The following XKR9 variants were observed in gnomAD, a reference collection of about 807,000 sequenced individuals.
XKR9 encodes XK related 9, also known as XK-related protein 9.
Under a neutral mutation model 32.0 loss-of-function variants are expected in XKR9, and 32 were observed. The observed-to-expected ratio is 1.00, with a 90% confidence interval of 0.76 to 1.34. XKR9 has a LOEUF of 1.34. Ranked by LOEUF, XKR9 falls within the 40% of genes most tolerant of loss-of-function variation. XKR9 has a pLI of 0.00. For missense variants in XKR9, 546 were observed against 429.7 expected, an observed-to-expected ratio of 1.27 and a Z score of -2.39; for synonymous variants, 168 against 143.4, an observed-to-expected ratio of 1.17 and a Z score of -1.22.
At chr8:71,041,324 T>A in the XKR9 span, among the ~76,000 whole-genome samples, 1 of 152,176 alleles carries the variant, frequency 6.6e-6, no homozygotes, top group African/African-American at 2.4e-5. Context: ...TGGGGGAATT[T>A]TCTGAAAAAT....
the XKR9 span, among the ~76,000 whole-genome samples, chr8:71,010,196 C>G: frequency 1.3e-5 from 2 of 152,292 alleles, no homozygotes; most frequent in South Asian, 2.1e-4. Flanking sequence ...AGGTACATGA[C>G]AGCTGATAAG....
chr8:70,777,990 G>T (rs911512750), intron 2 of XKR9, among the ~76,000 whole-genome samples: 1 of 152,092 alleles, frequency 6.6e-6, no homozygotes, highest in African/African-American at 2.4e-5. Flanking sequence ...GGCTTTTGTT[G>T]CCATTGCTTT....
chr8:70,739,081 C>T (rs996388753), downstream of XKR9, among the ~76,000 whole-genome samples: 4 of 151,914 alleles, frequency 2.6e-5, no homozygotes, highest in Non-Finnish European at 5.9e-5. Flanking sequence ...GTTAGTCTCC[C>T]ATTATTATTG....
At chr8:71,010,032 C>T in the XKR9 span, among the ~76,000 whole-genome samples, 1 of 152,176 alleles carries the variant, frequency 6.6e-6, no homozygotes, top group Non-Finnish European at 1.5e-5. Context: ...CTTCAACCGA[C>T]CCTGATCTGT....
At position 70,706,932 on chromosome 8, in the gene XKR9, G is replaced by C; in HGVS notation, c.273-1G>C. 1.2e-6 allele frequency: 2 copies of C among 1,605,494 alleles called. No homozygotes were observed. The highest frequency in any genetic ancestry group is 8.5e-7 in the Non-Finnish European group (1 of 1,174,062). ...GAGAAATGTTTATGTTTACTTTATA[G>C]GTATTGGTTTGCCTTAAAAAGGGGT... On this transcript the variant is annotated splice_acceptor_variant, in intron 3 of 4. Coordinates refer to ENST00000408926, the MANE Select transcript of XKR9 (RefSeq NM_001011720.2). LOFTEE classifies it high-confidence loss of function.
At chr8:70,787,867 G>T (rs982197827) in intron 2 of XKR9, among the ~76,000 whole-genome samples, 1 of 151,976 alleles carries the variant, frequency 6.6e-6, no homozygotes, top group African/African-American at 2.4e-5. Flanking sequence ...GATTATTAAG[G>T]TATTTGGTCA....
chr8:70,743,550 G>T (rs1371365666), intron 2 of XKR9, among the ~76,000 whole-genome samples: 1 of 151,970 alleles, frequency 6.6e-6, no homozygotes, highest in Non-Finnish European at 1.5e-5. Context: ...TTTTCAGCAG[G>T]CAGTAACTTG....
the XKR9 span, among the ~76,000 whole-genome samples, chr8:70,918,768 CT>C: frequency 6.8e-3 from 439 of 64,142 alleles, 4 homozygotes; most frequent in African/African-American, 0.027. Flanking sequence ...TCATGGGATC[CT>C]TTTTTTTTTT....
intron 2 of XKR9, among the ~76,000 whole-genome samples, chr8:70,748,971 A>C (rs182045515): frequency 1.3e-4 from 20 of 152,064 alleles, no homozygotes; most frequent in African/African-American, 4.8e-4. Context: ...TACCCACCAT[A>C]GGTCTCCTCT....
chr8:70,731,832 C>T (rs1324331215), intron 4 of XKR9, among the ~76,000 whole-genome samples: 1 of 152,198 alleles, frequency 6.6e-6, no homozygotes, highest in African/African-American at 2.4e-5. Context: ...CTTCCATCGA[C>T]AATTCCTTCT....
At chr8:70,906,590 T>C in the XKR9 span, among the ~76,000 whole-genome samples, 1 of 152,226 alleles carries the variant, frequency 6.6e-6, no homozygotes, top group Non-Finnish European at 1.5e-5. Flanking sequence ...TAGTGAATGT[T>C]GGCCATAATG....
the XKR9 span, among the ~76,000 whole-genome samples, chr8:71,038,610 G>T: frequency 6.6e-6 from 1 of 151,208 alleles, no homozygotes. Flanking sequence ...GAGCCACCGC[G>T]CCTGGCCAAC....
chr8:70,971,515 C>T, the XKR9 span, among the ~76,000 whole-genome samples: 1 of 151,990 alleles, frequency 6.6e-6, no homozygotes, highest in African/African-American at 2.4e-5. Flanking sequence ...GCTTTGGGTT[C>T]TTGGTCATGA....
At chr8:70,817,305 A>G in the XKR9 span, among the ~76,000 whole-genome samples, 2 of 152,322 alleles carry the variant, frequency 1.3e-5, no homozygotes, top group East Asian at 3.9e-4. Flanking sequence ...GTGCATAAAA[A>G]TTAGTAACAT....
the XKR9 span, among the ~76,000 whole-genome samples, chr8:70,795,551 T>C: frequency 6.6e-6 from 1 of 152,322 alleles, no homozygotes; most frequent in Middle Eastern, 3.4e-3. Context: ...CTTTGAGGAA[T>C]CACCACAACG....
At chr8:70,781,705 T>C (rs1586896562) in intron 2 of XKR9, among the ~76,000 whole-genome samples, 1 of 152,184 alleles carries the variant, frequency 6.6e-6, no homozygotes, top group African/African-American at 2.4e-5. Flanking sequence ...TGAGCATTTT[T>C]TTAATATACC....
chr8:70,939,235 C>T, the XKR9 span, among the ~76,000 whole-genome samples: 1 of 151,858 alleles, frequency 6.6e-6, no homozygotes, highest in Non-Finnish European at 1.5e-5. Flanking sequence ...GAAATATGTC[C>T]GAAAGAAAAC....
At chr8:70,943,212 GTGT>G in the XKR9 span, among the ~76,000 whole-genome samples, 1 of 152,108 alleles carries the variant, frequency 6.6e-6, no homozygotes, top group Non-Finnish European at 1.5e-5. Context: ...ATTCATTGAA[GTGT>G]TTCTTTAAGA....
At chr8:70,887,082 C>T in the XKR9 span, among the ~76,000 whole-genome samples, 1 of 152,114 alleles carries the variant, frequency 6.6e-6, no homozygotes, top group Non-Finnish European at 1.5e-5. Context: ...TTTAGTCCAT[C>T]TTGAGTTAAT....
Sources: gnomAD v4.1 joint callset for allele counts (sites outside exome capture counted in the v4.1 genomes callset) on GRCh38, gnomAD v4.1.1 for gene constraint, MANE v1.5 for transcripts, NCBI Gene and HGNC (gene_info 2026-07-23, HGNC 2026-07-21) for gene names.